The following PTPRQ variants were observed in gnomAD, a reference collection of about 807,000 sequenced individuals.
PTPRQ encodes the protein phosphatidylinositol phosphatase PTPRQ.
In PTPRQ, 199 loss-of-function variants were observed where a neutral mutation model predicts 246.0. The observed-to-expected ratio is 0.81, with a 90% CI of 0.72 to 0.91. The LOEUF is 0.91. Ranked by LOEUF, PTPRQ falls within the 40% of genes least tolerant of loss-of-function variation. The pLI, the probability that PTPRQ is intolerant of heterozygous loss-of-function variation, is 0.00. For missense variants in PTPRQ, 2,624 were observed against 2,528.4 expected (o/e 1.04, Z -0.81); for synonymous variants, 869 against 853.2 (o/e 1.02, Z -0.32).
chr12:80,528,760 T>G (rs182097993), intron 17 of PTPRQ, among the ~76,000 whole-genome samples: 1 of 152,310 alleles, frequency 6.6e-6, no homozygotes, highest in African/African-American at 2.4e-5. Context: ...ATCTCTCTCT[T>G]TCAGTTCAAG....
In PTPRQ at chr12:80,549,432, A is replaced by T. The variant is rs751994790; in HGVS notation, c.4016-33A>T. The T allele has an allele frequency of 8.6e-6, 13 of 1,515,046 alleles. No individual in the cohort carries two copies. In the South Asian group the frequency reaches 1.7e-4, roughly 20 times the overall value. 93.9% of individuals were successfully genotyped at this position (1,515,046 alleles called of 1,614,324 possible). A position where few individuals can be genotyped will look rare whatever the true frequency, so the allele number is the denominator to read the frequency against. On this transcript the variant is annotated intron_variant, in intron 24 of 44. Transcript: ENST00000644991. ...CAATTATCTACTTACATATGTATAC[A>T]CTTTAACTTTGGGCATATGTTTATC...
At chr12:80,522,572 AG>A (rs1244070543) in intron 17 of PTPRQ, among the ~76,000 whole-genome samples, 5 of 152,162 alleles carry the variant, frequency 3.3e-5, no homozygotes, top group African/African-American at 1.2e-4. Flanking sequence ...TTTAACGTGA[AG>A]GGCTGTTGAA....
intron 8 of PTPRQ, 108 bp from the exon 9 acceptor site, chr12:80,484,325 A>G (rs1443020244): frequency 2.3e-6 from 3 of 1,319,364 alleles, no homozygotes; most frequent in Non-Finnish European, 3.0e-6. Context: ...TTTCTAATAG[A>G]ATTGTTTATA....
At chr12:80,561,280 AC>A (rs945988544) in intron 25 of PTPRQ, 8 of 152,130 alleles carry the variant, frequency 5.3e-5, no homozygotes, top group African/African-American at 1.9e-4. Flanking sequence ...CAAAGCACTA[AC>A]TTTGTTCTGA....
Position 80,613,496 on chromosome 12 carries a change from C to G in PTPRQ, c.4919-96C>G, listed in dbSNP as rs1262096164. The G allele has an allele frequency of 5.2e-5, 66 of 1,264,194 alleles. No homozygotes were observed. The East Asian group carries it at 1.7e-3, about 32-fold the overall frequency. 78.3% of individuals were successfully genotyped at this position (1,264,194 alleles called of 1,614,324 possible). A position where few individuals can be genotyped will look rare whatever the true frequency, so the allele number is the denominator to read the frequency against. ...TTTATATGGTTTAATTTGTGGAATA[C>G]TCTTTAAAAACAGAAGTTCAAAGCA... On this transcript the variant is annotated intron_variant, in intron 28 of 44. Transcript: ENST00000644991.
rs1892485798 is a variant in PTPRQ at position 80,444,311 on chromosome 12, C to G, written c.-35C>G. ...AGGCAACATTTCTCTCTAGAGCCAT[C>G]AATGTGATTCTACTGGCTGAAAAAT... is the stretch of plus-strand genomic sequence containing the variant. On this transcript the variant is annotated 5_prime_UTR_variant, in exon 1 of 45. The change creates a new upstream start codon in the 5' untranslated region. Coordinates refer to ENST00000644991, the MANE Select transcript of PTPRQ (RefSeq NM_001145026.2). 1 of 1,089,564 alleles carries G rather than the reference C, an allele frequency of 9.2e-7. No individual in the cohort carries two copies. Among genetic ancestry groups the G allele is most frequent in the Non-Finnish European group, 1.4e-6 (1 of 729,668 alleles). 67.5% of individuals were successfully genotyped at this position (1,089,564 alleles called of 1,614,324 possible). A position where few individuals can be genotyped will look rare whatever the true frequency, so the allele number is the denominator to read the frequency against.
intron 42 of PTPRQ, 114 bp downstream of exon 42, chr12:80,670,606 A>C: frequency 3.6e-6 from 5 of 1,370,280 alleles, no homozygotes; most frequent in Non-Finnish European, 3.8e-6. Context: ...TGCCGTCTTC[A>C]GAGATTTCAC....
chr12:80,502,769 C>T (rs1894840959), intron 14 of PTPRQ, among the ~76,000 whole-genome samples: 2 of 151,718 alleles, frequency 1.3e-5, no homozygotes, highest in East Asian at 3.9e-4. Context: ...GGAATATTGG[C>T]AGTTATTGGT....
chr12:80,619,507 T>C lies in PTPRQ; in HGVS notation c.5354T>C (p.Ile1785Thr), dbSNP rs1381852665. The C allele has an allele frequency of 2.6e-6, 4 of 1,539,678 alleles. No homozygotes were observed. The highest frequency in any genetic ancestry group is 4.0e-5 in the Admixed American group (2 of 49,944). Reference protein sequence around the residue: ...ICYYSDDHGPIKNVQVLVTET... With the variant: ...ICYYSDDHGPTKNVQVLVTET... Reference sequence around the variant, plus strand: ...TACTACAGTGATGATCATGGACCAATAAAAAATGTACAAGTGCTTGTGACA... The same window carrying C: ...TACTACAGTGATGATCATGGACCAACAAAAAATGTACAAGTGCTTGTGACA... Residue 1785 changes from isoleucine (I) to threonine (T), a missense_variant, in exon 31 of 45, where the codon ATA becomes ACA. Ile to Thr is a moderately conservative substitution (Grantham distance 89). Coordinates refer to ENST00000644991, the MANE Select transcript of PTPRQ (RefSeq NM_001145026.2).
chr12:80,634,919 C>A (rs764581361), intron 34 of PTPRQ, 26 bp from the exon 35 acceptor site: 2 of 1,546,494 alleles, frequency 1.3e-6, no homozygotes, highest in Admixed American at 4.0e-5. Context: ...AAACTCCCTT[C>A]TTGGACTTTA....
intron 39 of PTPRQ, among the ~76,000 whole-genome samples, chr12:80,660,070 C>T (rs141092471): frequency 6.6e-6 from 1 of 151,946 alleles, no homozygotes; most frequent in Non-Finnish European, 1.5e-5. Flanking sequence ...AAATTTTATT[C>T]GAAAGCACTT....
At chr12:80,559,912 C>T (rs1896775228) in intron 25 of PTPRQ, among the ~76,000 whole-genome samples, 1 of 152,174 alleles carries the variant, frequency 6.6e-6, no homozygotes, top group Non-Finnish European at 1.5e-5. Context: ...ACTTCCACTT[C>T]CTCCAACCAC....
At chr12:80,567,573 T>C (rs1476034887) in intron 25 of PTPRQ, among the ~76,000 whole-genome samples, 2 of 152,218 alleles carry the variant, frequency 1.3e-5, no homozygotes, top group Non-Finnish European at 2.9e-5. Flanking sequence ...TTAAGCTGTC[T>C]GTGTTCTCTT....
At chr12:80,606,691 A>G (rs746229183) in intron 27 of PTPRQ, among the ~76,000 whole-genome samples, 5 of 150,930 alleles carry the variant, frequency 3.3e-5, no homozygotes, top group African/African-American at 7.3e-5. Flanking sequence ...TGGAGATATA[A>G]TGCTTCTATC....
At chr12:80,496,156 T>C (rs1894613146) in intron 13 of PTPRQ, 50 bp downstream of exon 13, 2 of 1,544,522 alleles carry the variant, frequency 1.3e-6, no homozygotes, top group East Asian at 4.9e-5. Flanking sequence ...TGGTTGTAAA[T>C]GCTCACTGCC....
At chr12:80,589,972 C>G (rs1431575159) in intron 26 of PTPRQ, among the ~76,000 whole-genome samples, 8 of 152,174 alleles carry the variant, frequency 5.3e-5, no homozygotes, top group Admixed American at 3.9e-4. Context: ...TTATTCTGGT[C>G]TATAGCTTTG....
chr12:80,528,667 G>A (rs1217197624), intron 17 of PTPRQ, among the ~76,000 whole-genome samples: 29 of 152,178 alleles, frequency 1.9e-4, no homozygotes, highest in East Asian at 3.9e-4. Context: ...TAAAGTTGAG[G>A]TGACTATCTC....
chr12:80,495,275 A>G lies in PTPRQ; in HGVS notation c.1786A>G (p.Asn596Asp). The G allele has an allele frequency of 6.5e-7, 1 of 1,546,646 alleles. No individual in the cohort carries two copies. Among genetic ancestry groups the G allele is most frequent in the Non-Finnish European group, 8.7e-7 (1 of 1,145,444 alleles). ...LLYWDPPEYP[N>D]GKITHYTIYA... The stretch of plus-strand genomic sequence containing the variant: ...ATATTGGGATCCTCCAGAATATCCC[A>G]ATGGAAAAATAACTCACTATACGAT... Residue 596 changes from asparagine (N) to aspartate (D), a missense_variant, in exon 12 of 45, where the codon AAT (asparagine) becomes GAT (aspartate). Asn to Asp is a conservative substitution (Grantham distance 23). Coordinates refer to ENST00000644991, the MANE Select transcript of PTPRQ (RefSeq NM_001145026.2).
At chr12:80,488,877 A>G (rs2120628949) in intron 9 of PTPRQ, among the ~76,000 whole-genome samples, 1 of 152,172 alleles carries the variant, frequency 6.6e-6, no homozygotes, top group East Asian at 1.9e-4. Context: ...AAATATTTGA[A>G]AATTACATTA....
Sources: allele counts gnomAD v4.1 joint callset (sites outside exome capture counted in the v4.1 genomes callset), GRCh38; gene constraint gnomAD v4.1.1; transcripts MANE v1.5; gene names NCBI Gene and HGNC (gene_info 2026-07-23, HGNC 2026-07-21).